DYNLT5: variants seen among roughly 807,000 people sequenced by gnomAD.
The protein encoded by DYNLT5 is dynein light chain Tctex-type 5.
DYNLT5 carries 25 observed loss-of-function variants against 19.3 expected under a neutral mutation model. The ratio of observed to expected loss-of-function variants is 1.30; its 90% CI spans 0.95 to 1.81. The LOEUF (loss-of-function observed/expected upper bound fraction) is 1.81. DYNLT5 is among the 40% of genes most tolerant of loss of function. DYNLT5 has a pLI of 0.00. For synonymous variants in DYNLT5, 82 were observed against 68.9 expected (o/e 1.19, Z -0.94); for missense variants, 232 against 217.9 (o/e 1.06, Z -0.41).
At chr1:66,759,764 C>T (rs866711367) in intron 2 of DYNLT5, among the ~76,000 whole-genome samples, 1 of 152,190 alleles carries the variant, frequency 6.6e-6, no homozygotes, top group Non-Finnish European at 1.5e-5. Flanking sequence ...AACCTGATAT[C>T]GCCATTTGGC....
chr1:66,752,668 C>CAAGTAGGGCCATTT, intron 1 of DYNLT5, 84 bp downstream of exon 1: 1 of 851,798 alleles, frequency 1.2e-6, no homozygotes, highest in Non-Finnish European at 1.4e-6. Context: ...GAGAAATGGC[C>CAAGTAGGGCCATTT]CTACTTGGCC....
At chr1:66,765,402 AAT>A (rs1438918466) in intron 2 of DYNLT5, among the ~76,000 whole-genome samples, 1 of 152,160 alleles carries the variant, frequency 6.6e-6, no homozygotes, top group Non-Finnish European at 1.5e-5. Context: ...ATCTAGGTAT[AAT>A]AATAACTCTG....
chr1:66,768,826 T>C (rs1178635705), intron 2 of DYNLT5: 1 of 152,212 alleles, frequency 6.6e-6, no homozygotes, highest in Non-Finnish European at 1.5e-5. Context: ...GTTATAATCA[T>C]ACTTGGGACT....
intron 3 of DYNLT5, among the ~76,000 whole-genome samples, chr1:66,771,871 G>T (rs1406565868): frequency 6.6e-6 from 1 of 152,134 alleles, no homozygotes; most frequent in Non-Finnish European, 1.5e-5. Context: ...CTCAAATAAA[G>T]CATCTTATCA....
At chr1:66,755,970 T>C (rs967116474) in intron 2 of DYNLT5, among the ~76,000 whole-genome samples, 2 of 152,226 alleles carry the variant, frequency 1.3e-5, no homozygotes, top group African/African-American at 4.8e-5. Flanking sequence ...TTAAATACTG[T>C]CTCCAAAGAT....
At chr1:66,755,045 A>G (rs1184901590) in intron 2 of DYNLT5, among the ~76,000 whole-genome samples, 1 of 152,228 alleles carries the variant, frequency 6.6e-6, no homozygotes, top group Non-Finnish European at 1.5e-5. Context: ...AATGTAAACC[A>G]GACACGCTTA....
intron 2 of DYNLT5, among the ~76,000 whole-genome samples, chr1:66,768,474 T>A (rs1645182093): frequency 6.6e-6 from 1 of 152,222 alleles, no homozygotes; most frequent in Admixed American, 6.5e-5. Flanking sequence ...AAAGTCAATC[T>A]GCAAAACTTT....
At chr1:66,770,818 C>A in intron 3 of DYNLT5, 12 of 310,328 alleles carry the variant, frequency 3.9e-5, no homozygotes, top group East Asian at 1.6e-4. Flanking sequence ...TTTTATCCAA[C>A]AAAACCAATC....
intron 3 of DYNLT5, among the ~76,000 whole-genome samples, chr1:66,771,191 C>A (rs12733829): frequency 0.12 from 18,188 of 152,240 alleles, 1,160 homozygotes; most frequent in South Asian, 0.16. Context: ...GACCATCAGC[C>A]TGTCCCCTCT....
At chr1:66,758,407 T>C (rs942336673) in intron 2 of DYNLT5, among the ~76,000 whole-genome samples, 3 of 152,082 alleles carry the variant, frequency 2.0e-5, no homozygotes, top group Admixed American at 6.5e-5. Context: ...CTAGGCTTGT[T>C]ATCTGTGAGG....
intron 3 of DYNLT5, among the ~76,000 whole-genome samples, chr1:66,771,388 ACTTTTGAT>A (rs1442562295): frequency 6.6e-6 from 1 of 152,228 alleles, no homozygotes; most frequent in Non-Finnish European, 1.5e-5. Context: ...CAACATCACC[ACTTTTGAT>A]CCTAGCATTC....
rs767353415 is a variant in DYNLT5, at chr1:66,777,453, G to T, written c.539G>T (p.Ter180LeuextTer44). ...AATGTCTATGCAGTTTACCTTGAGT[G>T]ATTGAAAATAAGAAATCTAGCTCTT... is the stretch of plus-strand genomic sequence containing the variant. ...LANVYAVYLE* is the reference protein window; with the variant it reads ...LANVYAVYLEL The change falls in exon 5 of 5, where the codon TGA becomes TTA. Residue 180 changes from the stop codon to leucine (L), a stop_lost. Coordinates refer to ENST00000282670, the MANE Select transcript of DYNLT5 (RefSeq NM_152665.3). The T allele has an allele frequency of 6.2e-7, 1 of 1,610,540 alleles. No homozygotes were observed. Among genetic ancestry groups the T allele is most frequent in the Admixed American group, 1.7e-5 (1 of 59,674 alleles).
chr1:66,758,123 G>T (rs1193300969), intron 2 of DYNLT5, among the ~76,000 whole-genome samples: 1 of 152,092 alleles, frequency 6.6e-6, no homozygotes, highest in Admixed American at 6.5e-5. Flanking sequence ...CAGCAAAAAT[G>T]GGCTTTTGTT....
At chr1:66,766,847 C>T (rs1232979755) in intron 2 of DYNLT5, among the ~76,000 whole-genome samples, 3 of 152,052 alleles carry the variant, frequency 2.0e-5, no homozygotes, top group South Asian at 2.1e-4. Flanking sequence ...TTCCAAGGCA[C>T]AGAAAGCAAT....
intron 2 of DYNLT5, among the ~76,000 whole-genome samples, chr1:66,763,673 G>C (rs2094649738): frequency 6.6e-6 from 1 of 152,160 alleles, no homozygotes; most frequent in Non-Finnish European, 1.5e-5. Context: ...ACAAACCTCT[G>C]CTAGTTTCAA....
chr1:66,776,438 G>T, intron 4 of DYNLT5, 35 bp downstream of exon 4: 1 of 1,560,748 alleles, frequency 6.4e-7, no homozygotes, highest in Admixed American at 1.9e-5. Context: ...GTTAACAATA[G>T]CTAGAATATT....
chr1:66,770,420 C>T lies in DYNLT5; in HGVS notation c.153C>T (p.Pro51=), dbSNP rs749029829. ...SMSTVSYMEE[P]SQRDDISRLT... ...GTACTGTGTCTTATATGGAAGAACC[C>T]AGTCAGCGTGATGATATCTCTCGCC... Residue 51 remains proline (P), a synonymous_variant, in exon 3 of 5, where the codon CCC becomes CCT. Coordinates refer to ENST00000282670, the MANE Select transcript of DYNLT5 (RefSeq NM_152665.3). 1 of 1,613,390 alleles carries T rather than the reference C, an allele frequency of 6.2e-7. No homozygotes were observed. Among genetic ancestry groups the T allele is most frequent in the African/African-American group, 1.3e-5 (1 of 74,858 alleles).
At chr1:66,754,825 TCG>T (rs2094633180) in intron 2 of DYNLT5, 48 bp downstream of exon 2, 1 of 1,558,964 alleles carries the variant, frequency 6.4e-7, no homozygotes, top group African/African-American at 1.4e-5. Flanking sequence ...ATAAATAGGT[TCG>T]TAATGTTTAT....
chr1:66,776,332 G>C lies in DYNLT5; in HGVS notation c.265G>C (p.Val89Leu). ...CGTCAATCATATTTTGAAAGATGTA[G>C]TAACCAGCTATCTACAAGTAGAAGA... ...VTVNHILKDV[V>L]TSYLQVEEYE... Residue 89 changes from valine (V) to leucine (L), a missense_variant, in exon 4 of 5, where the codon GTA becomes CTA. Transcript: ENST00000282670. 3 of 1,613,378 alleles carry C rather than the reference G, an allele frequency of 1.9e-6. No individual in the cohort carries two copies. Among genetic ancestry groups the C allele is most frequent in the Non-Finnish European group, 2.5e-6 (3 of 1,179,648 alleles).
Sources: gnomAD v4.1 joint callset for allele counts (sites outside exome capture counted in the v4.1 genomes callset) on GRCh38, gnomAD v4.1.1 for gene constraint, MANE v1.5 for transcripts, NCBI Gene and HGNC (gene_info 2026-07-23, HGNC 2026-07-21) for gene names.